The following CMTR1 variants were observed in gnomAD, a reference collection of about 807,000 sequenced individuals.
CMTR1 encodes cap-specific mRNA (nucleoside-2'-O-)-methyltransferase 1.
A neutral mutation model predicts 107.0 loss-of-function variants in CMTR1; 39 were observed. The ratio of observed to expected loss-of-function variants is 0.36; its 90% confidence interval spans 0.28 to 0.48. CMTR1 has a LOEUF of 0.48. Ranked by LOEUF, CMTR1 falls within the 20% of genes least tolerant of loss-of-function variation. CMTR1 has a pLI of 0.99. For missense variants in CMTR1, 672 were observed against 1,064.9 expected, an observed-to-expected ratio of 0.63 and a Z score of 5.14; for synonymous variants, 366 against 379.5, an observed-to-expected ratio of 0.96 and a Z score of 0.41.
Position 37,462,904 on chromosome 6 carries a change from C to T in CMTR1, c.1401C>T (p.Leu467=), listed in dbSNP as rs1424198583. 7 of 1,613,984 alleles carry T rather than the reference C, an allele frequency of 4.3e-6. No individual in the cohort carries two copies. Among genetic ancestry groups the T allele is most frequent in the Non-Finnish European group, 5.9e-6 (7 of 1,180,022 alleles). The change falls in exon 13 of 24, where the codon CTC becomes CTT. Residue 467 remains leucine (L), a synonymous_variant. Transcript: ENST00000373451. ...RDYLFAVNIK[L]NQLRNTDSDV... ...ACCTCTTCGCAGTGAATATTAAACTCAATCAGCTGCGGAACACGGATTCCG... is the reference window on the plus strand; with the variant it reads ...ACCTCTTCGCAGTGAATATTAAACTTAATCAGCTGCGGAACACGGATTCCG...
intron 2 of CMTR1, among the ~76,000 whole-genome samples, chr6:37,441,138 A>G (rs1771665952): frequency 6.6e-6 from 1 of 152,162 alleles, no homozygotes; most frequent in Admixed American, 6.5e-5. Context: ...TTTCTGTATT[A>G]AGTAGTACAG....
intron 1 of CMTR1, among the ~76,000 whole-genome samples, chr6:37,433,590 C>T (rs187097568): frequency 2.6e-5 from 4 of 152,378 alleles, no homozygotes; most frequent in Non-Finnish European, 5.9e-5. Flanking sequence ...CACATTCACA[C>T]GCTCATGTTA....
intron 23 of CMTR1, among the ~76,000 whole-genome samples, chr6:37,479,491 C>CT (rs1266785613): frequency 6.6e-6 from 1 of 152,232 alleles, no homozygotes; most frequent in Non-Finnish European, 1.5e-5. Context: ...GGTTACGGGC[C>CT]TGGCTGTGAA....
chr6:37,450,705 A>G (rs1761133235), intron 5 of CMTR1, among the ~76,000 whole-genome samples: 2 of 152,220 alleles, frequency 1.3e-5, no homozygotes, highest in African/African-American at 4.8e-5. Flanking sequence ...GGGAATTGTT[A>G]CAGAGGGAAT....
chr6:37,481,075 T>C lies in CMTR1; in HGVS notation c.*930T>C. 7.7e-7 allele frequency: 1 copy of C among 1,304,300 alleles called. No individual in the cohort carries two copies. The highest frequency in any genetic ancestry group is 1.0e-6 in the Non-Finnish European group (1 of 988,954). 80.8% of individuals were successfully genotyped at this position (1,304,300 alleles called of 1,614,324 possible). ...TCTTGGCAGAATTCTGAGCTTGAAG[T>C]GCAGCTCCCTTACTACCCTTTCCCT... On this transcript the variant is annotated 3_prime_UTR_variant, in exon 24 of 24. Transcript: ENST00000373451.
chr6:37,438,452 G>A (rs561274898), intron 2 of CMTR1, among the ~76,000 whole-genome samples: 2 of 152,224 alleles, frequency 1.3e-5, no homozygotes, highest in East Asian at 1.9e-4. Flanking sequence ...AGGCCACTTC[G>A]TCCTTTCATT....
Position 37,471,004 on chromosome 6 carries a change from A to ATTTTTTTT in CMTR1, c.1506-15_1506-8dup. 6.3e-7 allele frequency: 1 copy of ATTTTTTTT among 1,580,018 alleles called. No homozygotes were observed. On this transcript the variant is annotated splice_polypyrimidine_tract_variant and intron_variant, in intron 13 of 23. Coordinates refer to ENST00000373451, the MANE Select transcript of CMTR1 (RefSeq NM_015050.3). ...TTTTTGGTAATCCTGAGATCAAATA[A>ATTTTTTTT]TTTTTTTTTCTTCTAGCCACTGTAG...
chr6:37,479,876 G>T, intron 23 of CMTR1, 137 bp from the exon 24 acceptor site: 2 of 830,428 alleles, frequency 2.4e-6, no homozygotes, highest in South Asian at 4.4e-5. Context: ...AGGGCCTACC[G>T]GGTACCTTTT....
At chr6:37,459,481 G>T in intron 9 of CMTR1, 85 bp from the exon 10 acceptor site, 1 of 1,131,606 alleles carries the variant, frequency 8.8e-7, no homozygotes, top group East Asian at 2.4e-5. Context: ...CCTGATGCCC[G>T]TCTTCACTGA....
At chr6:37,469,519 T>A (rs966082559) in intron 13 of CMTR1, among the ~76,000 whole-genome samples, 1 of 132,504 alleles carries the variant, frequency 7.5e-6, no homozygotes, top group Non-Finnish European at 1.6e-5. Flanking sequence ...TGTTGTTTTA[T>A]CCTTTTTTTT....
chr6:37,475,868 C>T, intron 19 of CMTR1: 2 of 528,678 alleles, frequency 3.8e-6, no homozygotes, highest in East Asian at 6.7e-5. Flanking sequence ...TGACTGAGCA[C>T]AGCTGAAGGC....
At position 37,480,962 on chromosome 6, in the gene CMTR1, C is replaced by T. The variant is rs936537907; in HGVS notation, c.*817C>T. 1 of 1,265,176 alleles carries T rather than the reference C, an allele frequency of 7.9e-7. No individual in the cohort carries two copies. The highest frequency in any genetic ancestry group is 1.0e-6 in the Non-Finnish European group (1 of 973,830). 78.4% of individuals were successfully genotyped at this position (1,265,176 alleles called of 1,614,324 possible). Reference sequence around the variant, plus strand: ...TCTTTCCCCCACAGCAGCAGGGGCCCCAGCAGTAACAAAGGGTACCTCCAG... The same window carrying T: ...TCTTTCCCCCACAGCAGCAGGGGCCTCAGCAGTAACAAAGGGTACCTCCAG... On this transcript the variant is annotated 3_prime_UTR_variant, in exon 24 of 24. Transcript: ENST00000373451.
In CMTR1 at chr6:37,480,841, A is replaced by G; in HGVS notation, c.*696A>G. 1.7e-6 allele frequency: 2 copies of G among 1,149,078 alleles called. No individual in the cohort carries two copies. Among genetic ancestry groups the G allele is most frequent in the Non-Finnish European group, 2.2e-6 (2 of 922,800 alleles). 71.2% of individuals were successfully genotyped at this position (1,149,078 alleles called of 1,614,324 possible). On this transcript the variant is annotated 3_prime_UTR_variant, in exon 24 of 24. Transcript: ENST00000373451. The stretch of plus-strand genomic sequence containing the variant: ...GAGATCCTGGGAGCCCTCTTTTCGT[A>G]CTGAGTATGGAGTTGTAGAGCCATC...
chr6:37,440,205 T>C (rs1771639863), intron 2 of CMTR1, among the ~76,000 whole-genome samples: 1 of 152,246 alleles, frequency 6.6e-6, no homozygotes, highest in Non-Finnish European at 1.5e-5. Flanking sequence ...CAAATTCTTA[T>C]TGAAACTAAT....
In CMTR1 at chr6:37,459,679, G is replaced by C; in HGVS notation, c.1090G>C (p.Asp364His). ...CAAGGGTGTCCATTTTCTGATGGCT[G>C]ATGGGGTAGGTTACCTTTTTTCCAT... ...DRKGVHFLMA[D>H]GGFSVEGQEN... The change falls in exon 10 of 24, where the codon GAT becomes CAT. Residue 364 changes from aspartate to histidine, a missense_variant. Physicochemically the swap from Asp to His is moderately conservative, Grantham distance 81. This residue lies in a region of CMTR1 where 583 missense variants were observed against 968.4 expected (regional missense o/e 0.60). Coordinates refer to ENST00000373451, the MANE Select transcript of CMTR1 (RefSeq NM_015050.3). The C allele has an allele frequency of 6.2e-7, 1 of 1,610,588 alleles. No homozygotes were observed. The highest frequency in any genetic ancestry group is 1.1e-5 in the South Asian group (1 of 90,982).
chr6:37,453,917 G>A (rs1761236391), intron 8 of CMTR1, among the ~76,000 whole-genome samples: 1 of 152,180 alleles, frequency 6.6e-6, no homozygotes, highest in African/African-American at 2.4e-5. Flanking sequence ...CACTAAGACT[G>A]TAATTTTAGA....
In CMTR1 at chr6:37,480,004, C is replaced by T; in HGVS notation, c.2376-9C>T. On this transcript the variant is annotated splice_polypyrimidine_tract_variant and intron_variant, in intron 23 of 23. Transcript: ENST00000373451. ...GTCCTGACCTCTTTCCCATCCCTCTCCTCCCCAGCATTTGCTACTATGGCC... is the reference window on the plus strand; with the variant it reads ...GTCCTGACCTCTTTCCCATCCCTCTTCTCCCCAGCATTTGCTACTATGGCC... The T allele has an allele frequency of 6.4e-7, 1 of 1,568,678 alleles. No homozygotes were observed.
Position 37,459,578 on chromosome 6 carries a change from T to A in CMTR1, c.989T>A (p.Ile330Asn), listed in dbSNP as rs949907974. 1.4e-5 allele frequency: 22 copies of A among 1,613,898 alleles called. No individual in the cohort carries two copies. Among genetic ancestry groups the A allele is most frequent in the Non-Finnish European group, 1.9e-5 (22 of 1,179,908 alleles). The change falls in exon 10 of 24, where the codon ATT becomes AAT. Residue 330 changes from isoleucine to asparagine, a missense_variant. This residue lies in a region of CMTR1 where 583 missense variants were observed against 968.4 expected (regional missense o/e 0.60). Coordinates refer to ENST00000373451, the MANE Select transcript of CMTR1 (RefSeq NM_015050.3). ...TGTATTCTGACAGGTGAGGGTGGGA[T>A]TGATGGAGATGGAGATATCACCCGC... ...LFEPYYGEGGIDGDGDITRPE... is the reference protein window; with the variant it reads ...LFEPYYGEGGNDGDGDITRPE...
chr6:37,474,027 G>T (rs937635416), intron 17 of CMTR1, among the ~76,000 whole-genome samples: 2 of 152,192 alleles, frequency 1.3e-5, no homozygotes, highest in Non-Finnish European at 2.9e-5. Flanking sequence ...GTGAGGGAAA[G>T]CCTTGGCAAG....
Sources: gnomAD v4.1 joint callset for allele counts (sites outside exome capture counted in the v4.1 genomes callset) on GRCh38, gnomAD v4.1.1 for gene constraint, gnomAD v4.1.1 regional missense constraint, MANE v1.5 for transcripts, NCBI Gene and HGNC (gene_info 2026-07-23, HGNC 2026-07-21) for gene names.